AFF2: variants seen among roughly 807,000 people sequenced by gnomAD.
AFF2 encodes AF4/FMR2 family member 2.
In AFF2, 14 loss-of-function variants were observed where a neutral mutation model predicts 76.9. That is an observed-to-expected ratio of 0.18 (90% confidence interval 0.12 to 0.28). The LOEUF (loss-of-function observed/expected upper bound fraction) is 0.28, where lower values mean the gene tolerates loss of function less well. AFF2 is among the 10% of genes least tolerant of loss of function. The probability of loss-of-function intolerance (pLI) is 1.00; values close to 1 mark genes in which losing one functional copy is unlikely to be tolerated. For synonymous variants in AFF2, 398 were observed against 366.7 expected (o/e 1.09, Z -0.98); for missense variants, 868 against 1,001.1 (o/e 0.87, Z 1.79).
chrX:148,996,752 GA>G lies in AFF2; in HGVS notation c.*5421del, dbSNP rs1224636875. 1 of 112,282 alleles carries G rather than the reference GA, an allele frequency of 8.9e-6. No individual in the cohort carries two copies. Among genetic ancestry groups the G allele is most frequent in the Non-Finnish European group, 1.9e-5 (1 of 53,263 alleles). The allele number at this position is 112,282 out of a possible 1,213,427, so 9.3% of individuals were successfully genotyped here. ...ATGAAGCCCTCCTGAGCTGAAAGGA[GA>G]GATGGATCAATGGAGATGGTTCCAT... On this transcript the variant is annotated 3_prime_UTR_variant, in exon 21 of 21. Transcript: ENST00000370460.
In AFF2 at chrX:149,000,110, C is replaced by T. The variant is rs975564525; in HGVS notation, c.*8778C>T. The T allele has an allele frequency of 2.7e-5, 3 of 112,047 alleles. No individual in the cohort carries two copies. The highest frequency in any genetic ancestry group is 5.6e-4 in the East Asian group (2 of 3,544). 9.2% of individuals were successfully genotyped at this position (112,047 alleles called of 1,213,427 possible). ...TGACGTCCTGTCCCCAAAGGAAGAC[C>T]CTTTCCCCAAGGGCACCCCAGGTGG... On this transcript the variant is annotated 3_prime_UTR_variant, in exon 21 of 21. Coordinates refer to ENST00000370460, the MANE Select transcript of AFF2 (RefSeq NM_002025.4).
Position 148,681,915 on chromosome X carries a change from A to G in AFF2, c.1041+19147A>G, listed in dbSNP as rs782087221. On this transcript the variant is annotated intron_variant, in intron 3 of 20. Coordinates refer to ENST00000370460, the MANE Select transcript of AFF2 (RefSeq NM_002025.4). ...TCAAGATTTTGGTAGAAACATGCATACTCACAAAGAAACACACAAACACAC... is the reference window on the plus strand; with the variant it reads ...TCAAGATTTTGGTAGAAACATGCATGCTCACAAAGAAACACACAAACACAC... Among the ~76,000 whole-genome samples, 30 of 111,565 alleles carry G rather than the reference A, an allele frequency of 2.7e-4. 1 individual carries two copies. In the South Asian group the frequency reaches 0.011, roughly 41 times the overall value.
At chrX:148,734,603 G>T (rs185887145) in intron 3 of AFF2, among the ~76,000 whole-genome samples, 74 of 111,699 alleles carry the variant, frequency 6.6e-4, no homozygotes, top group African/African-American at 2.3e-3. Context: ...TCTCTTGTTT[G>T]TCTTAGGCTA....
chrX:148,646,909 G>A (rs782145645), intron 1 of AFF2, among the ~76,000 whole-genome samples: 1 of 111,606 alleles, frequency 9.0e-6, no homozygotes, highest in East Asian at 2.8e-4. Context: ...GTTTTGAGCT[G>A]CTTTTATAGT....
chrX:148,660,395 C>T (rs1054764555), intron 2 of AFF2, among the ~76,000 whole-genome samples: 1 of 111,187 alleles, frequency 9.0e-6, no homozygotes, highest in Non-Finnish European at 1.9e-5. Flanking sequence ...GTTTTCTTTC[C>T]CCAGACGACT....
chrX:148,947,230 C>T (rs1432929894), intron 9 of AFF2, among the ~76,000 whole-genome samples: 1 of 112,280 alleles, frequency 8.9e-6, no homozygotes, highest in Non-Finnish European at 1.9e-5. Flanking sequence ...CAGGGTGTGG[C>T]CCAGATCACA....
intron 2 of AFF2, among the ~76,000 whole-genome samples, chrX:148,652,500 T>G (rs1396307186): frequency 1.8e-5 from 2 of 112,124 alleles, no homozygotes; most frequent in African/African-American, 6.5e-5. Flanking sequence ...TGTCTGTTTC[T>G]TTTCCCAATC....
chrX:148,698,383 G>A (rs1356985751), intron 3 of AFF2, among the ~76,000 whole-genome samples: 1 of 112,477 alleles, frequency 8.9e-6, no homozygotes, highest in Non-Finnish European at 1.9e-5. Context: ...AATAGCCACA[G>A]TGCAATTTTG....
chrX:148,584,642 A>G (rs1387200219), intron 1 of AFF2, among the ~76,000 whole-genome samples: 2 of 102,600 alleles, frequency 1.9e-5, no homozygotes, highest in Non-Finnish European at 3.9e-5. Flanking sequence ...TGCAACCTCC[A>G]CCTCCCGGGT....
chrX:148,508,335 T>C (rs1425760611), intron 1 of AFF2, among the ~76,000 whole-genome samples: 1 of 112,311 alleles, frequency 8.9e-6, no homozygotes, highest in Non-Finnish European at 1.9e-5. Flanking sequence ...AGGCAACGTA[T>C]CTCCTGGAAA....
At chrX:148,862,479 A>C (rs185108981) in intron 7 of AFF2, among the ~76,000 whole-genome samples, 208 of 111,837 alleles carry the variant, frequency 1.9e-3, no homozygotes, top group African/African-American at 6.6e-3. Context: ...CACAATCCAG[A>C]GTCTAAAGGA....
At chrX:148,536,048 G>A (rs1007531734) in intron 1 of AFF2, among the ~76,000 whole-genome samples, 2 of 110,203 alleles carry the variant, frequency 1.8e-5, no homozygotes, top group African/African-American at 6.6e-5. Context: ...GTGAAACCCC[G>A]TATCTACTAA....
intron 1 of AFF2, among the ~76,000 whole-genome samples, chrX:148,551,041 G>A (rs2052983582): frequency 9.2e-6 from 1 of 109,060 alleles, no homozygotes; most frequent in Admixed American, 1.0e-4. Flanking sequence ...ATTGCCTAAT[G>A]TCTCTTGGGA....
intron 1 of AFF2, among the ~76,000 whole-genome samples, chrX:148,577,759 A>C (rs1427202358): frequency 1.8e-5 from 2 of 111,714 alleles, no homozygotes; most frequent in Non-Finnish European, 3.8e-5. Context: ...TTTTTCTCTC[A>C]TCTTACACTG....
At chrX:148,881,995 C>T (rs989802783) in intron 7 of AFF2, among the ~76,000 whole-genome samples, 10 of 111,441 alleles carry the variant, frequency 9.0e-5, no homozygotes, top group African/African-American at 3.3e-4. Flanking sequence ...GTTTGGCTCT[C>T]GAGACCTTGC....
At chrX:148,810,634 C>G (rs781911022) in intron 4 of AFF2, among the ~76,000 whole-genome samples, 5 of 112,069 alleles carry the variant, frequency 4.5e-5, no homozygotes, top group Non-Finnish European at 5.6e-5. Flanking sequence ...TTTGTCACTT[C>G]TGTGACCTTG....
intron 2 of AFF2, among the ~76,000 whole-genome samples, chrX:148,655,282 G>T (rs200795676): frequency 3.0e-5 from 3 of 100,789 alleles, no homozygotes; most frequent in African/African-American, 7.3e-5. Context: ...GAAAAACCTT[G>T]TCCTTTTTTT....
intron 7 of AFF2, among the ~76,000 whole-genome samples, chrX:148,875,500 C>A (rs974152672): frequency 2.7e-5 from 3 of 111,564 alleles, no homozygotes; most frequent in Non-Finnish European, 5.7e-5. Flanking sequence ...TGATATTAGT[C>A]TGTTTGTGTT....
chrX:148,728,858 C>T (rs1452162944), intron 3 of AFF2, among the ~76,000 whole-genome samples: 2 of 112,124 alleles, frequency 1.8e-5, no homozygotes, highest in East Asian at 2.8e-4. Flanking sequence ...CTAACAGGTT[C>T]CCCCTGCTTA....
Sources: gnomAD v4.1 joint callset for allele counts (sites outside exome capture counted in the v4.1 genomes callset) on GRCh38, gnomAD v4.1.1 for gene constraint, MANE v1.5 for transcripts, NCBI Gene and HGNC (gene_info 2026-07-23, HGNC 2026-07-21) for gene names.